Variants in PARD3B observed in about 807,000 individuals in gnomAD.
The protein encoded by PARD3B is partitioning defective 3 homolog B.
In PARD3B, 103 loss-of-function variants were observed where a neutral mutation model predicts 130.2. The ratio of observed to expected loss-of-function variants is 0.79; its 90% CI spans 0.67 to 0.93. The LOEUF (loss-of-function observed/expected upper bound fraction) is 0.93, where lower values mean the gene tolerates loss of function less well. Ranked by LOEUF, PARD3B falls within the 40% of genes least tolerant of loss-of-function variation. The probability of loss-of-function intolerance (pLI) is 0.00; values close to 1 mark genes in which losing one functional copy is unlikely to be tolerated. For missense variants in PARD3B, 1,609 were observed against 1,499.2 expected, an observed-to-expected ratio of 1.07 and a Z score of -1.21; for synonymous variants, 583 against 553.2, an observed-to-expected ratio of 1.05 and a Z score of -0.76.
chr2:205,570,603 A>G (rs868183574), intron 22 of PARD3B, among the ~76,000 whole-genome samples: 2 of 152,180 alleles, frequency 1.3e-5, no homozygotes, highest in Non-Finnish European at 1.5e-5. Context: ...CTGCTTTTAA[A>G]GAGAACAAAA....
intron 2 of PARD3B, among the ~76,000 whole-genome samples, chr2:204,774,027 T>C (rs985129515): frequency 6.6e-6 from 1 of 152,020 alleles, no homozygotes; most frequent in African/African-American, 2.4e-5. Context: ...TGCTTTCAAC[T>C]TGTAGTTTCC....
In PARD3B at chr2:205,615,761, C is replaced by CTTA; in HGVS notation, c.3567_3569dup (p.Tyr1190dup). ...CGTGGGGGCAGCCCAGACCAGTACC[C>CTTA]TTACCGAACCCAGGATTCCCGGCAG... On this transcript the variant is annotated inframe_insertion, in exon 23 of 23. Transcript: ENST00000406610. 1 of 1,614,066 alleles carries CTTA rather than the reference C, an allele frequency of 6.2e-7. No individual in the cohort carries two copies.
rs796567936 is a variant in PARD3B, at chr2:205,550,955, G to GTGTGTATATATATATATATATA, written c.3181-2368_3181-2367insGTGTATATATATATATATATAT. Reference sequence around the variant, plus strand: ...TGTGTGTGTGTGTATATATATATGTGTATATATATATATATATATATACAC... The same window carrying GTGTGTATATATATATATATATA: ...TGTGTGTGTGTGTATATATATATGTGTGTGTATATATATATATATATATATATATATATATATATATATACAC... On this transcript the variant is annotated intron_variant, in intron 21 of 22. Transcript: ENST00000406610. The surrounding 1 kb of genome is among the most constrained non-coding windows in gnomAD (Gnocchi z 4.5). Among the ~76,000 whole-genome samples the GTGTGTATATATATATATATATA allele has an allele frequency of 1.4e-4, 13 of 94,450 alleles. No homozygotes were observed. Among genetic ancestry groups the GTGTGTATATATATATATATATA allele is most frequent in the African/African-American group, 3.8e-4 (10 of 26,360 alleles). The allele number at this position is 94,450 out of a possible 152,430, so 62.0% of individuals were successfully genotyped here.
intron 1 of PARD3B, among the ~76,000 whole-genome samples, chr2:204,660,768 A>G (rs772205400): frequency 9.2e-4 from 140 of 152,342 alleles, no homozygotes; most frequent in Non-Finnish European, 1.5e-3. Context: ...AACAGAACTC[A>G]TTAATTGCTA....
chr2:205,541,055 G>T, intron 21 of PARD3B, among the ~76,000 whole-genome samples: 1 of 151,972 alleles, frequency 6.6e-6, no homozygotes, highest in East Asian at 1.9e-4. Flanking sequence ...TTGAAAGTAA[G>T]ATGCTATATA....
intron 19 of PARD3B, among the ~76,000 whole-genome samples, chr2:205,415,137 C>G (rs2046731371): frequency 6.6e-6 from 1 of 152,070 alleles, no homozygotes; most frequent in African/African-American, 2.4e-5. Context: ...AAATATTCCA[C>G]TTTGGAAAAA....
At chr2:204,821,061 G>A (rs141278654) in intron 2 of PARD3B, among the ~76,000 whole-genome samples, 172 of 152,228 alleles carry the variant, frequency 1.1e-3, no homozygotes, top group South Asian at 5.8e-3. Context: ...GCACTTTGTC[G>A]TCCAGAAGTT....
chr2:204,626,535 A>G (rs1559193110), intron 1 of PARD3B, among the ~76,000 whole-genome samples: 1 of 152,128 alleles, frequency 6.6e-6, no homozygotes, highest in East Asian at 1.9e-4. Flanking sequence ...GACGATAAAT[A>G]TGATTTCAAG....
At chr2:205,453,054 T>G (rs2048159276) in intron 20 of PARD3B, among the ~76,000 whole-genome samples, 1 of 152,210 alleles carries the variant, frequency 6.6e-6, no homozygotes, top group South Asian at 2.1e-4. Flanking sequence ...ATATGCAGAA[T>G]TTCTTCACTT....
chr2:205,053,064 AT>A (rs1441785527), intron 4 of PARD3B, among the ~76,000 whole-genome samples: 7 of 151,956 alleles, frequency 4.6e-5, no homozygotes, highest in Non-Finnish European at 1.0e-4. Context: ...GTGAGAGTGC[AT>A]TTTTACAGTG....
rs141806322 is a variant in PARD3B at position 205,464,856 on chromosome 2, T to C, written c.3044+24184T>C. Among the ~76,000 whole-genome samples, 381 of 152,244 alleles carry C rather than the reference T, an allele frequency of 2.5e-3. 1 individual carries two copies. Among genetic ancestry groups the C allele is most frequent in the African/African-American group, 8.6e-3 (357 of 41,534 alleles). On this transcript the variant is annotated intron_variant, in intron 20 of 22. Transcript: ENST00000406610. ...ATCAAGGAGTTAATCCTATTTCCTC[T>C]TCTCTACCCTTCTTTGGGTTAGTGG...
At chr2:204,968,077 C>A (rs922787568) in intron 3 of PARD3B, among the ~76,000 whole-genome samples, 6 of 152,170 alleles carry the variant, frequency 3.9e-5, no homozygotes, top group African/African-American at 9.7e-5. Context: ...ATTCACCCAA[C>A]CTGGTACAAG....
chr2:204,688,157 C>T (rs73984268), intron 2 of PARD3B, among the ~76,000 whole-genome samples: 7 of 152,174 alleles, frequency 4.6e-5, no homozygotes, highest in African/African-American at 1.4e-4. Context: ...TGCTTGGGTT[C>T]GGCTTTAACA....
chr2:204,634,815 G>C lies in PARD3B; in HGVS notation c.121-51366G>C, dbSNP rs183150694. Among the ~76,000 whole-genome samples the C allele has an allele frequency of 1.5e-3, 223 of 152,110 alleles. 1 individual carries two copies. Among genetic ancestry groups the C allele is most frequent in the African/African-American group, 5.2e-3 (214 of 41,528 alleles). On this transcript the variant is annotated intron_variant, in intron 1 of 22. Coordinates refer to ENST00000406610, the MANE Select transcript of PARD3B (RefSeq NM_001302769.2). ...AGTGGCCATAGATGATCATCGCTTA[G>C]GTCTATTATTTCATTGGGGGCTCAC... is the stretch of plus-strand genomic sequence containing the variant.
chr2:205,155,795 C>T (rs1387138281), intron 10 of PARD3B, among the ~76,000 whole-genome samples: 1 of 152,070 alleles, frequency 6.6e-6, no homozygotes, highest in Non-Finnish European at 1.5e-5. Context: ...CTCTGATGGC[C>T]AGTGATGGTG....
intron 3 of PARD3B, among the ~76,000 whole-genome samples, chr2:205,019,514 C>A (rs924214026): frequency 6.6e-6 from 1 of 152,110 alleles, no homozygotes; most frequent in Non-Finnish European, 1.5e-5. Context: ...AGTGGAATGG[C>A]TGGGGCCACA....
At chr2:205,039,908 A>C (rs1306670049) in intron 3 of PARD3B, among the ~76,000 whole-genome samples, 1 of 152,206 alleles carries the variant, frequency 6.6e-6, no homozygotes, top group East Asian at 1.9e-4. Context: ...GTAGAAATAA[A>C]GTTCAAAAGA....
At position 205,470,851 on chromosome 2, in the gene PARD3B, C is replaced by T. The variant is rs1430345348; in HGVS notation, c.3045-29045C>T. Among the ~76,000 whole-genome samples the T allele has an allele frequency of 2.0e-5, 3 of 152,168 alleles. No individual in the cohort carries two copies. Among genetic ancestry groups the T allele is most frequent in the Non-Finnish European group, 4.4e-5 (3 of 68,022 alleles). ...CATAGGGAAGCTCTTAAACAGCACC[C>T]TGGCCCATTACAGACAAGTAGACAT... On this transcript the variant is annotated intron_variant, in intron 20 of 22. Coordinates refer to ENST00000406610, the MANE Select transcript of PARD3B (RefSeq NM_001302769.2). This position sits in a 1 kb window ranked among gnomAD's most constrained non-coding sequence, Gnocchi z 4.8.
intron 10 of PARD3B, among the ~76,000 whole-genome samples, chr2:205,136,814 AG>A (rs1559474919): frequency 2.0e-5 from 3 of 152,244 alleles, no homozygotes; most frequent in Non-Finnish European, 2.9e-5. Context: ...GTTGATGTTC[AG>A]AAGAATTGCC....
Sources: gnomAD v4.1 joint callset for allele counts (sites outside exome capture counted in the v4.1 genomes callset) on GRCh38, gnomAD v4.1.1 for gene constraint, Gnocchi (gnomAD v3.1) non-coding constraint, MANE v1.5 for transcripts, NCBI Gene and HGNC (gene_info 2026-07-23, HGNC 2026-07-21) for gene names.